The following ATF6 variants were observed in gnomAD, a reference collection of about 807,000 sequenced individuals.
ATF6 encodes the protein cyclic AMP-dependent transcription factor ATF-6 alpha.
Under a neutral mutation model 83.6 loss-of-function variants are expected in ATF6, and 53 were observed. That is an observed-to-expected ratio of 0.63 (90% confidence interval 0.51 to 0.80). ATF6 has a LOEUF of 0.80. Among genes scored for constraint, ATF6 ranks in the 30% least tolerant of loss-of-function variants. The probability of loss-of-function intolerance (pLI) is 0.00; values close to 1 mark genes in which losing one functional copy is unlikely to be tolerated. For missense variants in ATF6, 744 were observed against 797.9 expected (o/e 0.93, Z 0.81); for synonymous variants, 288 against 285.8 (o/e 1.01, Z -0.08).
chr1:161,829,030 C>T (rs1685975704), intron 9 of ATF6, among the ~76,000 whole-genome samples: 1 of 151,902 alleles, frequency 6.6e-6, no homozygotes, highest in South Asian at 2.1e-4. Context: ...TCAAAAGAGA[C>T]AAAGAAGGCC....
intron 9 of ATF6, among the ~76,000 whole-genome samples, chr1:161,826,127 A>C (rs890148758): frequency 6.6e-6 from 1 of 152,186 alleles, no homozygotes; most frequent in Non-Finnish European, 1.5e-5. Flanking sequence ...TAACGCTGCT[A>C]GTGGCAATCA....
At chr1:161,837,154 G>A (rs1197006976) in intron 9 of ATF6, among the ~76,000 whole-genome samples, 1 of 152,182 alleles carries the variant, frequency 6.6e-6, no homozygotes, top group Non-Finnish European at 1.5e-5. Context: ...TGTAACAAGT[G>A]AAGGTCTAGG....
chr1:161,860,757 A>C (rs1461205085), intron 13 of ATF6, among the ~76,000 whole-genome samples: 4 of 152,126 alleles, frequency 2.6e-5, no homozygotes, highest in Non-Finnish European at 5.9e-5. Flanking sequence ...TAATTTTCAG[A>C]GTCATAAGAC....
chr1:161,883,729 A>G (rs1478991155), intron 14 of ATF6, among the ~76,000 whole-genome samples: 2 of 152,062 alleles, frequency 1.3e-5, no homozygotes, highest in Non-Finnish European at 1.5e-5. Flanking sequence ...AAAAAATTCT[A>G]TCAGCATAGG....
chr1:161,886,762 A>T (rs181727709), intron 14 of ATF6, among the ~76,000 whole-genome samples: 1 of 152,366 alleles, frequency 6.6e-6, no homozygotes, highest in African/African-American at 2.4e-5. Context: ...CAGAGAGGTT[A>T]CATAACTTAG....
intron 15 of ATF6, among the ~76,000 whole-genome samples, chr1:161,926,386 G>A (rs1688309499): frequency 6.6e-6 from 1 of 152,140 alleles, no homozygotes; most frequent in Admixed American, 6.5e-5. Flanking sequence ...TCTTGAGATT[G>A]AAGTCAAGCT....
chr1:161,850,504 ATTTG>A (rs1371879625), intron 10 of ATF6, among the ~76,000 whole-genome samples: 1 of 151,878 alleles, frequency 6.6e-6, no homozygotes, highest in Non-Finnish European at 1.5e-5. Context: ...CATTTCAACC[ATTTG>A]TTTGTTTCTT....
chr1:161,837,401 G>A (rs143370862), intron 9 of ATF6, among the ~76,000 whole-genome samples: 35 of 152,242 alleles, frequency 2.3e-4, no homozygotes, highest in African/African-American at 7.7e-4. Context: ...GGTGTGTGCC[G>A]TGCCTTTGGA....
chr1:161,786,497 G>A (rs910243891), intron 4 of ATF6, among the ~76,000 whole-genome samples: 75 of 151,398 alleles, frequency 5.0e-4, no homozygotes, highest in African/African-American at 1.8e-3. Context: ...TTCTTTAATT[G>A]CTTTTTTGTT....
intron 15 of ATF6, among the ~76,000 whole-genome samples, chr1:161,918,040 G>T (rs1056706223): frequency 7.9e-5 from 12 of 152,094 alleles, no homozygotes; most frequent in African/African-American, 2.9e-4. Flanking sequence ...AGACAGATGT[G>T]CAAGGATTGA....
intron 8 of ATF6, 130 bp from the exon 9 acceptor site, chr1:161,820,940 T>TA (rs1557978424): frequency 1.5e-5 from 7 of 476,000 alleles, no homozygotes; most frequent in South Asian, 8.4e-5. Context: ...TTTTTTTTTT[T>TA]AAATAAGACA....
intron 15 of ATF6, among the ~76,000 whole-genome samples, chr1:161,912,977 CA>C (rs1688021300): frequency 6.6e-6 from 1 of 151,992 alleles, no homozygotes; most frequent in Non-Finnish European, 1.5e-5. Flanking sequence ...CACTGTACTC[CA>C]AAGAGAAAGT....
intron 14 of ATF6, among the ~76,000 whole-genome samples, chr1:161,869,677 C>T (rs1244211050): frequency 6.6e-6 from 1 of 151,580 alleles, no homozygotes; most frequent in East Asian, 1.9e-4. Context: ...AGGTCTAAAG[C>T]ACATTATAAA....
chr1:161,919,791 A>G (rs574503630), intron 15 of ATF6, among the ~76,000 whole-genome samples: 1 of 152,360 alleles, frequency 6.6e-6, no homozygotes, highest in South Asian at 2.1e-4. Flanking sequence ...AATTATATTT[A>G]ATCTCAAGGT....
At chr1:161,809,968 T>C (rs1685414287) in intron 7 of ATF6, among the ~76,000 whole-genome samples, 3 of 152,296 alleles carry the variant, frequency 2.0e-5, no homozygotes, top group Non-Finnish European at 4.4e-5. Context: ...AAAAATTTTG[T>C]GGGAGAAATT....
intron 14 of ATF6, among the ~76,000 whole-genome samples, chr1:161,869,127 G>A (rs1444598090): frequency 6.6e-6 from 1 of 151,948 alleles, no homozygotes; most frequent in East Asian, 1.9e-4. Flanking sequence ...ATGTTTGCCA[G>A]AGGTTTAGTC....
chr1:161,855,245 T>C lies in ATF6; in HGVS notation c.1533+1922T>C, dbSNP rs1359043068. On this transcript the variant is annotated intron_variant, in intron 12 of 15. Coordinates refer to ENST00000367942, the MANE Select transcript of ATF6 (RefSeq NM_007348.4). ...TTTTAGTGGGCTAGGTGAGAGAAAT[T>C]GTTGTGGTCCATACTGGTGTGGTAG... Among the ~76,000 whole-genome samples the C allele has an allele frequency of 1.3e-5, 2 of 151,990 alleles. 1 individual carries two copies. Among genetic ancestry groups the C allele is most frequent in the East Asian group, 3.9e-4 (2 of 5,178 alleles).
intron 14 of ATF6, among the ~76,000 whole-genome samples, chr1:161,884,895 C>T (rs759638021): frequency 1.4e-4 from 21 of 151,868 alleles, no homozygotes; most frequent in Non-Finnish European, 2.5e-4. Context: ...TTGTTGCTGG[C>T]GAAAATTATT....
intron 1 of ATF6, among the ~76,000 whole-genome samples, chr1:161,777,054 A>G (rs1390253100): frequency 6.6e-6 from 1 of 152,244 alleles, no homozygotes; most frequent in Non-Finnish European, 1.5e-5. Flanking sequence ...AACTATGTTA[A>G]TGCTGTTGAT....
Sources: allele counts gnomAD v4.1 joint callset (sites outside exome capture counted in the v4.1 genomes callset), GRCh38; gene constraint gnomAD v4.1.1; transcripts MANE v1.5; gene names NCBI Gene and HGNC (gene_info 2026-07-23, HGNC 2026-07-21).